VAV2: variants seen among roughly 807,000 people sequenced by gnomAD.
VAV2 encodes the protein guanine nucleotide exchange factor VAV2.
VAV2 carries 67 observed loss-of-function variants against 132.5 expected under a neutral mutation model. The observed-to-expected ratio is 0.51, with a 90% CI of 0.42 to 0.62. VAV2 has a LOEUF of 0.62. VAV2 is among the 20% of genes least tolerant of loss of function. The pLI is 0.00. For missense variants in VAV2, 938 were observed against 1,153.6 expected (o/e 0.81, Z 2.71); for synonymous variants, 492 against 443.5 (o/e 1.11, Z -1.37).
At chr9:133,933,027 C>T (rs1840741517) in intron 2 of VAV2, among the ~76,000 whole-genome samples, 1 of 8,308 alleles carries the variant, frequency 1.2e-4, no homozygotes, top group Non-Finnish European at 1.9e-3. Context: ...GGAGACCGCC[C>T]TTAAGCAGCA....
chr9:133,810,227 C>G, intron 5 of VAV2, 22 bp from the exon 6 acceptor site: 1 of 1,613,294 alleles, frequency 6.2e-7, no homozygotes, highest in South Asian at 1.1e-5. Context: ...GAGAAAGAAC[C>G]AGAAACAGCG....
intron 3 of VAV2, among the ~76,000 whole-genome samples, chr9:133,853,479 C>A (rs1483014237): frequency 6.6e-6 from 1 of 152,162 alleles, no homozygotes; most frequent in African/African-American, 2.4e-5. Flanking sequence ...CCCCTCTCTG[C>A]ACCATGAGTC....
At chr9:133,943,830 TTCTC>T (rs1841262264) in intron 1 of VAV2, among the ~76,000 whole-genome samples, 1 of 152,222 alleles carries the variant, frequency 6.6e-6, no homozygotes, top group Admixed American at 6.5e-5. Context: ...GTCAGCCCCT[TTCTC>T]TCCGGCCCAT....
chr9:133,936,503 A>G (rs1840915210), intron 2 of VAV2, among the ~76,000 whole-genome samples: 1 of 152,138 alleles, frequency 6.6e-6, no homozygotes. Context: ...TCAGCCTTCC[A>G]AAGTGCTCAG....
chr9:133,795,234 G>C lies in VAV2; in HGVS notation c.1101+434C>G, dbSNP rs138839623. Among the ~76,000 whole-genome samples the C allele has an allele frequency of 3.3e-3, 499 of 152,344 alleles. 5 individuals are homozygous for C. Among genetic ancestry groups the C allele is most frequent in the African/African-American group, 0.012 (485 of 41,574 alleles). On this transcript the variant is annotated intron_variant, in intron 12 of 29. Transcript: ENST00000371850. ...AAGGGGAGAGAGGGAGGCATGGCTG[G>C]CTGGGGGCCCTCGAAACAGCCAGGA... is the stretch of plus-strand genomic sequence containing the variant.
At chr9:133,956,603 G>A (rs1841788926) in intron 1 of VAV2, among the ~76,000 whole-genome samples, 2 of 152,234 alleles carry the variant, frequency 1.3e-5, no homozygotes, top group African/African-American at 4.8e-5. Context: ...TAGTTCCTGA[G>A]AAGTCAGAAA....
At chr9:133,910,823 C>A (rs74628759) in intron 2 of VAV2, among the ~76,000 whole-genome samples, 170 of 100,528 alleles carry the variant, frequency 1.7e-3, no homozygotes, top group East Asian at 5.7e-3. Flanking sequence ...GACTCGGTCT[C>A]AAAAAAAAAA....
At chr9:133,906,228 C>G (rs1324595851) in intron 2 of VAV2, among the ~76,000 whole-genome samples, 1 of 152,186 alleles carries the variant, frequency 6.6e-6, no homozygotes, top group Non-Finnish European at 1.5e-5. Context: ...CACCGTGTGC[C>G]TGCACTATCT....
chr9:133,799,344 G>A (rs911601252), intron 9 of VAV2, among the ~76,000 whole-genome samples: 7 of 152,172 alleles, frequency 4.6e-5, no homozygotes, highest in South Asian at 4.1e-4. Flanking sequence ...CTGCGCGTGG[G>A]GTCCAGTGAC....
intron 5 of VAV2, among the ~76,000 whole-genome samples, 169 bp from the exon 6 acceptor site, chr9:133,810,374 G>A (rs1588207832): frequency 6.6e-6 from 1 of 152,200 alleles, no homozygotes; most frequent in Non-Finnish European, 1.5e-5. Context: ...TGGCTCATGG[G>A]CCAGAGCTCC....
rs1158306898 is a variant in VAV2, at chr9:133,939,123, C to T, written c.301G>A (p.Asp101Asn). ...CTCACCTTTCCAAAGTCTCGCACATCGAAGAGGTCAAAGGGGTCAAACAGC... is the reference window on the plus strand; with the variant it reads ...CTCACCTTTCCAAAGTCTCGCACATTGAAGAGGTCAAAGGGGTCAAACAGC... ...SELFDPFDLF[D>N]VRDFGKVISA... is the part of the protein sequence containing the mutation. The change falls in exon 2 of 30, where the codon GAT becomes AAT. Residue 101 changes from aspartate to asparagine, a missense_variant. Coordinates refer to ENST00000371850, the MANE Select transcript of VAV2 (RefSeq NM_001134398.2). The T allele has an allele frequency of 4.3e-6, 7 of 1,614,092 alleles. No homozygotes were observed. The highest frequency in any genetic ancestry group is 1.3e-5 in the African/African-American group (1 of 74,934).
At chr9:133,844,972 G>A (rs1019662634) in intron 3 of VAV2, among the ~76,000 whole-genome samples, 2 of 152,250 alleles carry the variant, frequency 1.3e-5, no homozygotes, top group Admixed American at 6.5e-5. Flanking sequence ...AACATGGAAC[G>A]CTCTGTCAGC....
intron 13 of VAV2, among the ~76,000 whole-genome samples, chr9:133,790,728 A>C (rs1834421442): frequency 6.6e-6 from 1 of 151,898 alleles, no homozygotes; most frequent in African/African-American, 2.4e-5. Context: ...TGCCCTTCAG[A>C]AGCTTATTTT....
chr9:133,992,230 G>A lies in VAV2; in HGVS notation c.49C>T (p.Leu17=), dbSNP rs1843049776. 11 of 1,590,240 alleles carry A rather than the reference G, an allele frequency of 6.9e-6. No individual in the cohort carries two copies. Among genetic ancestry groups the A allele is most frequent in the African/African-American group, 1.4e-5 (1 of 73,318 alleles). ...CGRWLIDCKV[L]PPNHRVVWPS... ...CACACCACCCGGTGGTTGGGCGGCA[G>A]GACCTTGCAATCGATGAGCCAGCGG... is the stretch of plus-strand genomic sequence containing the variant. Residue 17 remains leucine (L), a synonymous_variant, in exon 1 of 30, where the codon CTG becomes TTG. Transcript: ENST00000371850. This position sits in a 1 kb window ranked among gnomAD's most constrained non-coding sequence, Gnocchi z 5.5.
rs1028096830 is a variant in VAV2, at chr9:133,840,691, G to T, written c.381-6351C>A. The stretch of plus-strand genomic sequence containing the variant: ...TTCCCCGGGGAATTACGGGGCACCT[G>T]CGTGGGGCTGGCATGGGCGGCCATT... On this transcript the variant is annotated intron_variant, in intron 3 of 29. Transcript: ENST00000371850. The surrounding 1 kb of genome is among the most constrained non-coding windows in gnomAD (Gnocchi z 4.5). 6.6e-6 allele frequency among the ~76,000 whole-genome samples: 1 copy of T among 152,246 alleles called. No homozygotes were observed. The highest frequency in any genetic ancestry group is 2.4e-5 in the African/African-American group (1 of 41,470).
chr9:133,843,522 A>G (rs1836808200), intron 3 of VAV2, among the ~76,000 whole-genome samples: 2 of 152,086 alleles, frequency 1.3e-5, no homozygotes, highest in South Asian at 4.1e-4. Context: ...CCAGCTTTGT[A>G]TAAGACAGGC....
Position 133,807,307 on chromosome 9 carries a change from C to T in VAV2, c.686G>A (p.Arg229Gln), listed in dbSNP as rs780290287. Residue 229 changes from arginine (R) to glutamine (Q), a missense_variant, in exon 8 of 30, where the codon CGG (arginine) becomes CAG (glutamine). By Grantham distance (43) the Arg-to-Gln change is conservative (BLOSUM62 1). Coordinates refer to ENST00000371850, the MANE Select transcript of VAV2 (RefSeq NM_001134398.2). ...CATGTCCGCCGGGCTCAGCACCAGC[C>T]GCAGGGGGCTCATGTAGTTCTGGAA... Reference protein sequence around the residue: ...DIEKNYMSPLRLVLSPADMAA... With the variant: ...DIEKNYMSPLQLVLSPADMAA... The T allele has an allele frequency of 1.3e-5, 21 of 1,610,918 alleles. No individual in the cohort carries two copies. Among genetic ancestry groups the T allele is most frequent in the Admixed American group, 3.3e-5 (2 of 59,842 alleles).
chr9:133,863,433 G>A lies in VAV2; in HGVS notation c.322-2001C>T, dbSNP rs889145739. Reference sequence around the variant, plus strand: ...CAGGTCGGGTCGTACAGATGGAACCGGGTCGTACAGATGGAACCGGAGACA... The same window carrying A: ...CAGGTCGGGTCGTACAGATGGAACCAGGTCGTACAGATGGAACCGGAGACA... On this transcript the variant is annotated intron_variant, in intron 2 of 29. Coordinates refer to ENST00000371850, the MANE Select transcript of VAV2 (RefSeq NM_001134398.2). This position sits in a 1 kb window ranked among gnomAD's most constrained non-coding sequence, Gnocchi z 5.0. 6.6e-6 allele frequency among the ~76,000 whole-genome samples: 1 copy of A among 152,176 alleles called. No individual in the cohort carries two copies. Among genetic ancestry groups the A allele is most frequent in the Non-Finnish European group, 1.5e-5 (1 of 68,018 alleles).
In VAV2 at chr9:133,824,897, G is replaced by A. The variant is rs899139908; in HGVS notation, c.449+9375C>T. ...GAGGGCTCAGGGCCCGGCCTGCAGC[G>A]CTCAGGGAGATGCAACTGGAAGCGT... On this transcript the variant is annotated intron_variant, in intron 4 of 29. Transcript: ENST00000371850. The surrounding 1 kb of genome is among the most constrained non-coding windows in gnomAD (Gnocchi z 5.2). Among the ~76,000 whole-genome samples, 7 of 152,196 alleles carry A rather than the reference G, an allele frequency of 4.6e-5. No homozygotes were observed. The highest frequency in any genetic ancestry group is 3.2e-3 in the Middle Eastern group (1 of 316).
Sources: allele counts gnomAD v4.1 joint callset (sites outside exome capture counted in the v4.1 genomes callset), GRCh38; gene constraint gnomAD v4.1.1; non-coding constraint Gnocchi (gnomAD v3.1); transcripts MANE v1.5; gene names NCBI Gene and HGNC (gene_info 2026-07-23, HGNC 2026-07-21).